The following CTNNA3 variants were observed in gnomAD, a reference collection of about 807,000 sequenced individuals.
CTNNA3 encodes catenin alpha 3.
CTNNA3 carries 76 observed loss-of-function variants against 95.7 expected under a neutral mutation model. The observed-to-expected ratio is 0.79, with a 90% confidence interval of 0.66 to 0.96. The LOEUF (loss-of-function observed/expected upper bound fraction) is 0.96, where lower values mean the gene tolerates loss of function less well. CTNNA3 is among the 40% of genes least tolerant of loss of function. The probability of loss-of-function intolerance (pLI) is 0.00; values close to 1 mark genes in which losing one functional copy is unlikely to be tolerated. For missense variants in CTNNA3, 1,191 were observed against 1,089.8 expected (o/e 1.09, Z -1.31); for synonymous variants, 431 against 374.4 (o/e 1.15, Z -1.74).
intron 14 of CTNNA3, among the ~76,000 whole-genome samples, chr10:66,087,499 T>C (rs1349557674): frequency 2.0e-5 from 3 of 152,122 alleles, no homozygotes; most frequent in Non-Finnish European, 4.4e-5. Context: ...CAAAGAATTG[T>C]CTGGTCCAAA....
intron 7 of CTNNA3, among the ~76,000 whole-genome samples, chr10:66,842,824 A>T (rs907609825): frequency 5.3e-5 from 8 of 152,124 alleles, no homozygotes; most frequent in African/African-American, 1.9e-4. Flanking sequence ...CATGAAAGGG[A>T]TGAAAACACT....
At chr10:66,652,106 A>AG (rs1845929641) in intron 9 of CTNNA3, among the ~76,000 whole-genome samples, 1 of 19,482 alleles carries the variant, frequency 5.1e-5, no homozygotes, top group Non-Finnish European at 8.3e-5. Flanking sequence ...CTAAAAAAAA[A>AG]AAAAAAAAAA....
In CTNNA3 at chr10:66,075,107, C is replaced by T. The variant is rs1459809253; in HGVS notation, c.1978-5618G>A. On this transcript the variant is annotated intron_variant, in intron 14 of 17. Coordinates refer to ENST00000433211, the MANE Select transcript of CTNNA3 (RefSeq NM_013266.4). ...CAAACTCAGGTCCTTATTATTCCTC[C>T]AAGACTGTATTAATAGCACAATTGA... 5.9e-5 allele frequency among the ~76,000 whole-genome samples: 9 copies of T among 151,768 alleles called. No homozygotes were observed. The East Asian group carries it at 1.7e-3, about 29-fold the overall frequency.
chr10:66,309,906 AAAAT>A (rs140451350), intron 12 of CTNNA3, among the ~76,000 whole-genome samples: 34,366 of 135,458 alleles, frequency 0.25, 4,427 homozygotes, highest in Middle Eastern at 0.36. Flanking sequence ...AAAGATACAA[AAAAT>A]AAATAAATAA....
intron 7 of CTNNA3, among the ~76,000 whole-genome samples, chr10:67,015,959 T>C (rs915877706): frequency 2.0e-5 from 3 of 152,138 alleles, no homozygotes; most frequent in African/African-American, 7.2e-5. Context: ...ATTTCTGTCA[T>C]TTTTTTCATT....
At chr10:66,684,530 C>T (rs543766180) in intron 9 of CTNNA3, among the ~76,000 whole-genome samples, 166 of 152,128 alleles carry the variant, frequency 1.1e-3, no homozygotes, top group African/African-American at 3.9e-3. Context: ...CTATAATAGG[C>T]TTAGTGCTTT....
chr10:66,048,148 A>G (rs2079869337), intron 15 of CTNNA3, among the ~76,000 whole-genome samples: 2 of 152,218 alleles, frequency 1.3e-5, no homozygotes, highest in Non-Finnish European at 2.9e-5. Context: ...TATGGAACCA[A>G]AAAGAGTCTG....
At chr10:67,174,958 C>T (rs1169391605) in intron 7 of CTNNA3, among the ~76,000 whole-genome samples, 1 of 149,038 alleles carries the variant, frequency 6.7e-6, no homozygotes, top group Non-Finnish European at 1.5e-5. Context: ...ATCAACCACT[C>T]AAAAATCAGT....
intron 13 of CTNNA3, among the ~76,000 whole-genome samples, chr10:66,192,546 A>T (rs2086734933): frequency 6.6e-6 from 1 of 152,278 alleles, no homozygotes; most frequent in African/African-American, 2.4e-5. Context: ...TAAATTAAAA[A>T]TTATTTTTCC....
At chr10:66,859,730 G>A (rs1468929818) in intron 7 of CTNNA3, among the ~76,000 whole-genome samples, 3 of 126,886 alleles carry the variant, frequency 2.4e-5, no homozygotes, top group East Asian at 2.0e-4. Context: ...TGTTTACTGC[G>A]GCACTATTCA....
chr10:66,625,089 A>G (rs575209946), intron 9 of CTNNA3, among the ~76,000 whole-genome samples: 11 of 152,330 alleles, frequency 7.2e-5, no homozygotes, highest in African/African-American at 2.6e-4. Flanking sequence ...AATAATTACC[A>G]ATATTGTAAT....
chr10:66,240,584 T>G (rs12414212), intron 13 of CTNNA3, among the ~76,000 whole-genome samples: 11,826 of 152,118 alleles, frequency 0.078, 595 homozygotes, highest in Admixed American at 0.13. Flanking sequence ...TAACCTTTTT[T>G]CTAACAAAAA....
rs1019907806 is a variant in CTNNA3, at chr10:67,360,530, G to A, written c.580-140660C>T. Among the ~76,000 whole-genome samples, 12 of 152,066 alleles carry A rather than the reference G, an allele frequency of 7.9e-5. No homozygotes were observed. The East Asian group carries it at 2.3e-3, about 29-fold the overall frequency. On this transcript the variant is annotated intron_variant, in intron 5 of 17. Coordinates refer to ENST00000433211, the MANE Select transcript of CTNNA3 (RefSeq NM_013266.4). ...TGGAGAAGCATCTATGTATTAGTCA[G>A]TTTTCACATTGCTATAAAGAATACC...
chr10:66,913,775 C>T (rs748365996), intron 7 of CTNNA3, among the ~76,000 whole-genome samples: 1 of 152,066 alleles, frequency 6.6e-6, no homozygotes, highest in Non-Finnish European at 1.5e-5. Flanking sequence ...GGTCTTTACC[C>T]CAAGCAATCA....
intron 7 of CTNNA3, among the ~76,000 whole-genome samples, chr10:66,815,823 T>G (rs1842057296): frequency 6.6e-6 from 1 of 152,152 alleles, no homozygotes; most frequent in Non-Finnish European, 1.5e-5. Flanking sequence ...GACAATTGGT[T>G]GCTAGCCCTA....
chr10:66,442,635 A>C (rs1262301867), intron 11 of CTNNA3, among the ~76,000 whole-genome samples: 1 of 152,188 alleles, frequency 6.6e-6, no homozygotes, highest in African/African-American at 2.4e-5. Flanking sequence ...CTACTTCCTC[A>C]ACACAATAAG....
intron 3 of CTNNA3, among the ~76,000 whole-genome samples, chr10:67,562,498 A>G (rs1222333643): frequency 1.3e-5 from 2 of 152,186 alleles, no homozygotes; most frequent in Admixed American, 6.5e-5. Context: ...TCAAAATAAT[A>G]AGAGCTATCT....
intron 7 of CTNNA3, among the ~76,000 whole-genome samples, chr10:66,816,068 G>C (rs995942292): frequency 6.6e-6 from 1 of 152,166 alleles, no homozygotes; most frequent in Non-Finnish European, 1.5e-5. Flanking sequence ...GGGGGAAAAT[G>C]AATCTATAGA....
chr10:67,393,052 A>G (rs931299189), intron 5 of CTNNA3, among the ~76,000 whole-genome samples: 5 of 146,902 alleles, frequency 3.4e-5, no homozygotes, highest in South Asian at 2.1e-4. Flanking sequence ...AACTTAAAGT[A>G]TAATAATAAA....
Sources: gnomAD v4.1 joint callset for allele counts (sites outside exome capture counted in the v4.1 genomes callset) on GRCh38, gnomAD v4.1.1 for gene constraint, MANE v1.5 for transcripts, NCBI Gene and HGNC (gene_info 2026-07-23, HGNC 2026-07-21) for gene names.